The following CGNL1 variants were observed in gnomAD, a reference collection of about 807,000 sequenced individuals.
CGNL1 encodes the protein cingulin like 1.
In CGNL1, 132 loss-of-function variants were observed where a neutral mutation model predicts 141.2. The ratio of observed to expected loss-of-function variants is 0.93; its 90% CI spans 0.81 to 1.08. CGNL1 has a LOEUF of 1.08. CGNL1 is among the 50% of genes least tolerant of loss of function. The pLI is 0.00. For synonymous variants in CGNL1, 690 were observed against 622.1 expected, an observed-to-expected ratio of 1.11 and a Z score of -1.63; for missense variants, 1,870 against 1,588.6, an observed-to-expected ratio of 1.18 and a Z score of -3.01.
chr15:57,438,200 A>G lies in CGNL1; in HGVS notation c.201A>G (p.Thr67=). The change falls in exon 2 of 19, where the codon ACA becomes ACG. Residue 67 remains threonine (T), a synonymous_variant. Coordinates refer to ENST00000281282, the MANE Select transcript of CGNL1 (RefSeq NM_032866.5). The part of the protein sequence containing the change: ...LNNTERCLAG[T]SFSENGPPFP... ...ACACAGAACGGTGCCTAGCAGGCAC[A>G]TCGTTTTCTGAAAATGGGCCACCCT... 1.2e-6 allele frequency: 2 copies of G among 1,614,144 alleles called. No homozygotes were observed. The highest frequency in any genetic ancestry group is 1.7e-6 in the Non-Finnish European group (2 of 1,179,982).
At chr15:57,486,229 A>C (rs2063783646) in intron 8 of CGNL1, among the ~76,000 whole-genome samples, 1 of 152,232 alleles carries the variant, frequency 6.6e-6, no homozygotes, top group Non-Finnish European at 1.5e-5. Context: ...ATTTGGTCCC[A>C]GTCAACCTTC....
intron 1 of CGNL1, among the ~76,000 whole-genome samples, chr15:57,404,694 A>G (rs144464638): frequency 6.6e-6 from 1 of 152,248 alleles, no homozygotes; most frequent in East Asian, 1.9e-4. Flanking sequence ...GGCTCAGAGA[A>G]CCCCAAATTT....
intron 8 of CGNL1, among the ~76,000 whole-genome samples, chr15:57,509,479 C>T (rs1359323656): frequency 2.0e-5 from 3 of 152,198 alleles, no homozygotes; most frequent in Admixed American, 6.5e-5. Flanking sequence ...CCATCAGGAG[C>T]GAGCCTGTCC....
At position 57,438,058 on chromosome 15, in the gene CGNL1, G is replaced by T; in HGVS notation, c.59G>T (p.Arg20Ile). Residue 20 changes from arginine to isoleucine, a missense_variant, in exon 2 of 19, where the codon AGA becomes ATA. Arg to Ile is a moderately conservative substitution (Grantham distance 97). Transcript: ENST00000281282. Reference protein sequence around the residue: ...HVQQEYGVHLRLASDDTQKSR... With the variant: ...HVQQEYGVHLILASDDTQKSR... Reference sequence around the variant, plus strand: ...CAGCAGGAATATGGGGTCCATCTGAGACTCGCAAGTGATGATACCCAAAAA... The same window carrying T: ...CAGCAGGAATATGGGGTCCATCTGATACTCGCAAGTGATGATACCCAAAAA... 6.2e-7 allele frequency: 1 copy of T among 1,614,000 alleles called. No homozygotes were observed. Among genetic ancestry groups the T allele is most frequent in the Non-Finnish European group, 8.5e-7 (1 of 1,180,008 alleles).
At chr15:57,428,455 C>T (rs943954841) in intron 1 of CGNL1, among the ~76,000 whole-genome samples, 15 of 152,120 alleles carry the variant, frequency 9.9e-5, no homozygotes, top group South Asian at 6.2e-4. Context: ...AAGAAATCAC[C>T]GGGGCTGGCC....
chr15:57,515,803 T>C (rs2030727656), intron 8 of CGNL1, among the ~76,000 whole-genome samples: 1 of 152,102 alleles, frequency 6.6e-6, no homozygotes, highest in African/African-American at 2.4e-5. Context: ...TTTAAATTTC[T>C]GTTTTATATT....
chr15:57,459,257 A>C (rs2063417257), intron 7 of CGNL1, among the ~76,000 whole-genome samples: 1 of 152,222 alleles, frequency 6.6e-6, no homozygotes, highest in Non-Finnish European at 1.5e-5. Flanking sequence ...TTGTTTATTT[A>C]TATCTGAACA....
chr15:57,438,222 C>T lies in CGNL1; in HGVS notation c.223C>T (p.Pro75Ser). Reference sequence around the variant, plus strand: ...CACATCGTTTTCTGAAAATGGGCCACCCTTTCCACCTCCAGTGATAAATAA... The same window carrying T: ...CACATCGTTTTCTGAAAATGGGCCATCCTTTCCACCTCCAGTGATAAATAA... ...AGTSFSENGP[P>S]FPPPVINNLP... is the part of the protein sequence containing the mutation. The change falls in exon 2 of 19, where the codon CCC (proline) becomes TCC (serine). Residue 75 changes from proline (P) to serine (S), a missense_variant. By Grantham distance (74) the Pro-to-Ser change is moderately conservative (BLOSUM62 -1). Coordinates refer to ENST00000281282, the MANE Select transcript of CGNL1 (RefSeq NM_032866.5). 1 of 1,614,178 alleles carries T rather than the reference C, an allele frequency of 6.2e-7. No homozygotes were observed. The highest frequency in any genetic ancestry group is 2.2e-5 in the East Asian group (1 of 44,870).
At chr15:57,516,275 C>A (rs1434013611) in intron 8 of CGNL1, among the ~76,000 whole-genome samples, 2 of 152,132 alleles carry the variant, frequency 1.3e-5, no homozygotes, top group African/African-American at 4.8e-5. Context: ...ATTCAGCCTG[C>A]CCGAATGCAG....
intron 1 of CGNL1, among the ~76,000 whole-genome samples, chr15:57,434,842 A>G (rs2063085739): frequency 2.0e-5 from 3 of 152,240 alleles, no homozygotes; most frequent in Admixed American, 2.0e-4. Flanking sequence ...CAAGGAGTCA[A>G]ATTTTTTTTC....
At chr15:57,475,156 G>T (rs1003990983) in intron 8 of CGNL1, among the ~76,000 whole-genome samples, 3 of 152,088 alleles carry the variant, frequency 2.0e-5, no homozygotes, top group South Asian at 2.1e-4. Context: ...ACCACCTGCC[G>T]CAGGTTGGCC....
chr15:57,468,359 G>C lies in CGNL1; in HGVS notation c.2403+6467G>C, dbSNP rs144011209. Among the ~76,000 whole-genome samples the C allele has an allele frequency of 3.9e-3, 580 of 147,924 alleles. 3 individuals carry two copies. Among genetic ancestry groups the C allele is most frequent in the African/African-American group, 0.014 (567 of 39,820 alleles). ...GGGTTCAAGCCATCCTCCCACCTCA[G>C]CCTCCCAAGGAACTAGGACTACAGC... is the stretch of plus-strand genomic sequence containing the variant. On this transcript the variant is annotated intron_variant, in intron 8 of 18. Coordinates refer to ENST00000281282, the MANE Select transcript of CGNL1 (RefSeq NM_032866.5).
intron 8 of CGNL1, among the ~76,000 whole-genome samples, chr15:57,499,493 C>T (rs2063991995): frequency 6.6e-6 from 1 of 152,124 alleles, no homozygotes; most frequent in African/African-American, 2.4e-5. Context: ...CTGTCTTGGC[C>T]TCCCAAAGTG....
rs760254844 is a variant in CGNL1 at position 57,543,734 on chromosome 15, T to C, written c.3330T>C (p.Ala1110=). ...QLRNELLQER[A]ARQDLECDKI... is the part of the protein sequence containing the mutation. ...GGAATGAGCTACTTCAGGAGAGAGC[T>C]GCGAGACAAGACTTGGAGTGCGACA... The change falls in exon 15 of 19, where the codon GCT becomes GCC. Residue 1110 remains alanine (A), a synonymous_variant. Coordinates refer to ENST00000281282, the MANE Select transcript of CGNL1 (RefSeq NM_032866.5). 1 of 1,613,936 alleles carries C rather than the reference T, an allele frequency of 6.2e-7. No homozygotes were observed. The highest frequency in any genetic ancestry group is 1.3e-5 in the African/African-American group (1 of 74,886).
At chr15:57,529,559 AACACACACACACACACACACAC>A (rs10593466) in intron 13 of CGNL1, among the ~76,000 whole-genome samples, 18 of 138,008 alleles carry the variant, frequency 1.3e-4, no homozygotes, top group Middle Eastern at 7.1e-3. Flanking sequence ...AACCCCCAGA[AACACACACACACACACACACAC>A]ACACACACAC....
In CGNL1 at chr15:57,545,911, A is replaced by G. The variant is rs141768072; in HGVS notation, c.3610-165A>G. On this transcript the variant is annotated intron_variant, in intron 17 of 18. Transcript: ENST00000281282. ...TTCTACACCCTGAGTTTGGCTTTAA[A>G]GAGTCACCCTGTCTTAGTGCCTGCT... Among the ~76,000 whole-genome samples, 65 of 152,334 alleles carry G rather than the reference A, an allele frequency of 4.3e-4. 1 individual carries two copies. Among genetic ancestry groups the G allele is most frequent in the Middle Eastern group, 6.8e-3 (2 of 294 alleles).
At chr15:57,412,970 C>G (rs559327952) in intron 1 of CGNL1, among the ~76,000 whole-genome samples, 1 of 152,232 alleles carries the variant, frequency 6.6e-6, no homozygotes, top group East Asian at 1.9e-4. Flanking sequence ...AGGGATTTCT[C>G]CTGCCTCAGC....
At chr15:57,446,919 C>T (rs545607552) in intron 4 of CGNL1, among the ~76,000 whole-genome samples, 2 of 152,178 alleles carry the variant, frequency 1.3e-5, no homozygotes, top group South Asian at 2.1e-4. Context: ...TACTATCGTA[C>T]GGTTTAAATA....
chr15:57,456,643 G>A (rs1156811182), intron 7 of CGNL1, among the ~76,000 whole-genome samples: 1 of 149,738 alleles, frequency 6.7e-6, no homozygotes, highest in Non-Finnish European at 1.5e-5. Flanking sequence ...TTTTTTTTCA[G>A]CTCAAGTTAC....
Sources: gnomAD v4.1 joint callset for allele counts (sites outside exome capture counted in the v4.1 genomes callset) on GRCh38, gnomAD v4.1.1 for gene constraint, MANE v1.5 for transcripts, NCBI Gene and HGNC (gene_info 2026-07-23, HGNC 2026-07-21) for gene names.